Variants in WWP2 observed in about 807,000 individuals in gnomAD.
WWP2 encodes the protein NEDD4-like E3 ubiquitin-protein ligase WWP2.
WWP2 carries 57 observed loss-of-function variants against 121.0 expected under a neutral mutation model. That is an observed-to-expected ratio of 0.47 (90% confidence interval 0.38 to 0.59). WWP2 has a LOEUF of 0.59. WWP2 is among the 20% of genes least tolerant of loss of function. The probability of loss-of-function intolerance (pLI) is 0.00; values close to 1 mark genes in which losing one functional copy is unlikely to be tolerated. For missense variants in WWP2, 962 were observed against 1,158.9 expected (o/e 0.83, Z 2.47); for synonymous variants, 449 against 441.3 (o/e 1.02, Z -0.22).
At chr16:69,810,028 A>G (rs2056357888) in intron 4 of WWP2, among the ~76,000 whole-genome samples, 1 of 151,692 alleles carries the variant, frequency 6.6e-6, no homozygotes, top group African/African-American at 2.4e-5. Context: ...CGGTTAGGTA[A>G]CTCCTCTCAC....
intron 4 of WWP2, among the ~76,000 whole-genome samples, chr16:69,805,901 A>G (rs2056265645): frequency 6.6e-6 from 1 of 151,230 alleles, no homozygotes; most frequent in South Asian, 2.1e-4. Context: ...TTAAATTACT[A>G]TATTAATTTC....
chr16:69,851,043 TG>T (rs1168672959), intron 6 of WWP2, among the ~76,000 whole-genome samples: 1 of 149,248 alleles, frequency 6.7e-6, no homozygotes, highest in East Asian at 2.0e-4. Context: ...AGTCTCGCTC[TG>T]TCATTCCACT....
In WWP2 at chr16:69,871,730, T is replaced by C. The variant is rs987223881; in HGVS notation, c.576-74T>C. 65 of 1,579,000 alleles carry C rather than the reference T, an allele frequency of 4.1e-5. No individual in the cohort carries two copies. The East Asian group carries it at 1.3e-3, about 32-fold the overall frequency. ...TAAATGGCAGGAGAAGGGAATATGA[T>C]GACTTAGGTAGGAAACACTTCTGTC... On this transcript the variant is annotated intron_variant, in intron 6 of 23. Coordinates refer to ENST00000359154, the MANE Select transcript of WWP2 (RefSeq NM_001270454.2).
rs769507581 is a variant in WWP2 at position 69,929,469 on chromosome 16, G to T, written c.1256G>T (p.Arg419Leu). Reference protein sequence around the residue: ...PGWEKRQDNGRVYYVNHNTRT... With the variant: ...PGWEKRQDNGLVYYVNHNTRT... ...GCAGAGAAGAGACAGGACAATGGAC[G>T]GGTGTATTACGTGAACCATAACACT... The change falls in exon 12 of 24, where the codon CGG (arginine) becomes CTG (leucine). Residue 419 changes from arginine (R) to leucine (L), a missense_variant. Around this residue, in one of 3 missense-constraint regions of WWP2, gnomAD observed 606 missense variants for 772.6 expected, o/e 0.78. Coordinates refer to ENST00000359154, the MANE Select transcript of WWP2 (RefSeq NM_001270454.2). The T allele has an allele frequency of 6.2e-7, 1 of 1,614,070 alleles. No individual in the cohort carries two copies. The highest frequency in any genetic ancestry group is 8.5e-7 in the Non-Finnish European group (1 of 1,179,968).
Position 69,888,174 on chromosome 16 carries a change from A to C in WWP2, c.839A>C (p.Glu280Ala). ...TSLPAPATPA[E>A]GEEPSTSGTQ... ...CTCCCTGCCCCAGCCACACCGGCTG[A>C]AGGAGAGGAACCCAGCACTTCGGGT... The change falls in exon 8 of 24, where the codon GAA (glutamate) becomes GCA (alanine). Residue 280 changes from glutamate to alanine, a missense_variant. By Grantham distance (107) the Glu-to-Ala change is moderately radical (BLOSUM62 -1). Coordinates refer to ENST00000359154, the MANE Select transcript of WWP2 (RefSeq NM_001270454.2). The C allele has an allele frequency of 1.2e-6, 2 of 1,614,156 alleles. No homozygotes were observed. Among genetic ancestry groups the C allele is most frequent in the South Asian group, 1.1e-5 (1 of 91,078 alleles).
At chr16:69,914,479 C>T (rs945497647) in intron 9 of WWP2, among the ~76,000 whole-genome samples, 3 of 152,032 alleles carry the variant, frequency 2.0e-5, no homozygotes, top group Admixed American at 6.5e-5. Flanking sequence ...GATTTCCTGC[C>T]GGGCACAGTG....
intron 1 of WWP2, among the ~76,000 whole-genome samples, chr16:69,776,809 C>T (rs2055539518): frequency 6.8e-6 from 1 of 147,408 alleles, no homozygotes; most frequent in Admixed American, 6.8e-5. Context: ...GCCTGGGCAA[C>T]AAGAGCGAAA....
At chr16:69,909,629 A>G (rs1169934789) in intron 9 of WWP2, 19 of 985,316 alleles carry the variant, frequency 1.9e-5, no homozygotes, top group Non-Finnish European at 2.2e-5. Flanking sequence ...ACCTGTCATC[A>G]TCAGTACTCA....
intron 6 of WWP2, among the ~76,000 whole-genome samples, chr16:69,844,881 A>G (rs949280737): frequency 2.6e-5 from 4 of 152,334 alleles, no homozygotes; most frequent in African/African-American, 9.6e-5. Flanking sequence ...ACCTGTTGCC[A>G]TTCAGCAGGA....
In WWP2 at chr16:69,807,207, G is replaced by A. The variant is rs142439160; in HGVS notation, c.340+7912G>A. 2.2e-3 allele frequency among the ~76,000 whole-genome samples: 336 copies of A among 151,926 alleles called. 2 individuals carry two copies. The highest frequency in any genetic ancestry group is 5.6e-3 in the South Asian group (27 of 4,800). On this transcript the variant is annotated intron_variant, in intron 4 of 23. Transcript: ENST00000359154. The stretch of plus-strand genomic sequence containing the variant: ...CACGTCACCATGCCCGGCTAATTTT[G>A]TATTTTTAGTAGAGATGGGGTTTCA...
At chr16:69,909,285 A>C (rs2058346459) in intron 9 of WWP2, 8 of 989,566 alleles carry the variant, frequency 8.1e-6, no homozygotes, top group Non-Finnish European at 9.6e-6. Flanking sequence ...AGTTCTTTCC[A>C]CATGTGTCTC....
At chr16:69,929,921 A>C (rs1286969343) in intron 12 of WWP2, among the ~76,000 whole-genome samples, 1 of 152,208 alleles carries the variant, frequency 6.6e-6, no homozygotes, top group Non-Finnish European at 1.5e-5. Flanking sequence ...CCATCCATGC[A>C]GGGCTGGGTT....
chr16:69,855,333 A>G (rs1472017777), intron 6 of WWP2, among the ~76,000 whole-genome samples: 2 of 152,144 alleles, frequency 1.3e-5, no homozygotes, highest in Non-Finnish European at 2.9e-5. Flanking sequence ...TTTTTAGTTC[A>G]CTTCAGTCTG....
chr16:69,801,527 G>A (rs912257177), intron 4 of WWP2, among the ~76,000 whole-genome samples: 20 of 151,674 alleles, frequency 1.3e-4, no homozygotes, highest in African/African-American at 4.1e-4. Flanking sequence ...GAGCCACTGC[G>A]TCTGGCCAAT....
chr16:69,895,634 C>T (rs2058093835), intron 8 of WWP2, among the ~76,000 whole-genome samples: 1 of 152,126 alleles, frequency 6.6e-6, no homozygotes, highest in South Asian at 2.1e-4. Flanking sequence ...GCTGTGTGCA[C>T]CTGTGATCCT....
chr16:69,842,136 G>C lies in WWP2; in HGVS notation c.575+16G>C. Reference sequence around the variant, plus strand: ...GAAGATCCCGGTAAGACCCCCCTTGGTGAGGACAAAGAGCTAAGAAGTTGC... The same window carrying C: ...GAAGATCCCGGTAAGACCCCCCTTGCTGAGGACAAAGAGCTAAGAAGTTGC... On this transcript the variant is annotated intron_variant, in intron 6 of 23. Transcript: ENST00000359154. 6.2e-7 allele frequency: 1 copy of C among 1,609,310 alleles called. No individual in the cohort carries two copies. The highest frequency in any genetic ancestry group is 8.5e-7 in the Non-Finnish European group (1 of 1,177,510).
intron 9 of WWP2, among the ~76,000 whole-genome samples, chr16:69,914,397 A>T (rs1271794744): frequency 7.0e-6 from 1 of 142,604 alleles, no homozygotes; most frequent in Non-Finnish European, 1.5e-5. Context: ...GTACCTAGAA[A>T]GGATCAGGAA....
At chr16:69,851,377 T>C (rs2057210586) in intron 6 of WWP2, among the ~76,000 whole-genome samples, 1 of 152,144 alleles carries the variant, frequency 6.6e-6, no homozygotes, top group African/African-American at 2.4e-5. Flanking sequence ...TAACCACTGA[T>C]ATTTTATTGT....
At chr16:69,779,278 A>G (rs994950648) in intron 1 of WWP2, among the ~76,000 whole-genome samples, 8 of 152,172 alleles carry the variant, frequency 5.3e-5, no homozygotes, top group Admixed American at 5.2e-4. Flanking sequence ...TTTATGCATC[A>G]ATTGGAAAGG....
Sources: allele counts gnomAD v4.1 joint callset (sites outside exome capture counted in the v4.1 genomes callset), GRCh38; gene constraint gnomAD v4.1.1; regional missense constraint gnomAD v4.1.1; transcripts MANE v1.5; gene names NCBI Gene and HGNC (gene_info 2026-07-23, HGNC 2026-07-21).